FANCB: variants seen among roughly 807,000 people sequenced by gnomAD.
FANCB encodes the protein Fanconi anemia group B protein.
A neutral mutation model predicts 38.9 loss-of-function variants in FANCB; 5 were observed. The ratio of observed to expected loss-of-function variants is 0.13; its 90% CI spans 0.07 to 0.27. The LOEUF is 0.27. FANCB is among the 10% of genes least tolerant of loss of function. FANCB has a pLI of 1.00. For synonymous variants in FANCB, 236 were observed against 215.4 expected (o/e 1.10, Z -0.84); for missense variants, 573 against 602.7 (o/e 0.95, Z 0.52).
chrX:14,850,256 A>C (rs904717486), intron 7 of FANCB, among the ~76,000 whole-genome samples: 8 of 111,940 alleles, frequency 7.1e-5, no homozygotes, highest in African/African-American at 2.6e-4. Context: ...ATGCTGAGGC[A>C]TAAGAATTGC....
chrX:14,712,442 A>AT, the FANCB span, among the ~76,000 whole-genome samples: 1 of 111,149 alleles, frequency 9.0e-6, no homozygotes, highest in African/African-American at 3.3e-5. Flanking sequence ...CAAGTGCAGG[A>AT]TTTTGTCTTC....
chrX:14,732,980 T>C, the FANCB span, among the ~76,000 whole-genome samples: 12 of 112,540 alleles, frequency 1.1e-4, no homozygotes, highest in Non-Finnish European at 1.9e-4. Context: ...TGGTATCACC[T>C]AGATTTTCTT....
intron 7 of FANCB, among the ~76,000 whole-genome samples, chrX:14,849,855 AAG>A (rs2053696003): frequency 8.9e-6 from 1 of 111,980 alleles, no homozygotes; most frequent in Admixed American, 9.5e-5. Context: ...TGTGCTGGCC[AAG>A]AGAGTAGCTA....
chrX:14,772,452 C>A, the FANCB span, among the ~76,000 whole-genome samples: 1 of 112,348 alleles, frequency 8.9e-6, no homozygotes, highest in Admixed American at 9.4e-5. Context: ...GTGTTCTCCA[C>A]AGCCAGCAGG....
At chrX:14,749,396 G>T in the FANCB span, among the ~76,000 whole-genome samples, 2 of 110,944 alleles carry the variant, frequency 1.8e-5, no homozygotes, top group Non-Finnish European at 3.8e-5. Flanking sequence ...TGTGCTTAGA[G>T]TATGCCAAAA....
At chrX:14,767,460 A>C in the FANCB span, among the ~76,000 whole-genome samples, 138 of 111,683 alleles carry the variant, frequency 1.2e-3, 2 homozygotes, top group Admixed American at 5.0e-3. Flanking sequence ...AGCTTTTATT[A>C]ATATGTTTGT....
intron 4 of FANCB, 113 bp from the exon 5 acceptor site, chrX:14,858,067 A>C: frequency 1.9e-6 from 1 of 522,826 alleles, no homozygotes. Context: ...CAGTTTCCCT[A>C]GTGTGTATAA....
chrX:14,826,718 GT>G, the FANCB span, among the ~76,000 whole-genome samples: 1 of 111,751 alleles, frequency 8.9e-6, no homozygotes, highest in Non-Finnish European at 1.9e-5. Context: ...CACAAATAAT[GT>G]TTTTCCAGTG....
chrX:14,848,407 C>G lies in FANCB; in HGVS notation c.1496+2098G>C, dbSNP rs773480900. Among the ~76,000 whole-genome samples, 881 of 111,421 alleles carry G rather than the reference C, an allele frequency of 7.9e-3. 8 individuals are homozygous for G. The highest frequency in any genetic ancestry group is 0.026 in the African/African-American group (807 of 30,637). On this transcript the variant is annotated intron_variant, in intron 7 of 9. Coordinates refer to ENST00000650831, the MANE Select transcript of FANCB (RefSeq NM_001018113.3). ...CCCTTGTAGAGAGCCTATAAATGGA[C>G]GCACAGGGGGCGCCTGTCCATATGG... is the stretch of plus-strand genomic sequence containing the variant.
chrX:14,771,099 T>C, the FANCB span, among the ~76,000 whole-genome samples: 2 of 111,410 alleles, frequency 1.8e-5, no homozygotes, highest in Non-Finnish European at 3.8e-5. Flanking sequence ...GAGAATCTGA[T>C]GATTATGTTT....
At chrX:14,712,544 G>A in the FANCB span, among the ~76,000 whole-genome samples, 1 of 110,098 alleles carries the variant, frequency 9.1e-6, no homozygotes, top group African/African-American at 3.3e-5. Flanking sequence ...TTAAAGTGGC[G>A]TTTTGTAGTT....
At chrX:14,770,537 G>A in the FANCB span, among the ~76,000 whole-genome samples, 1 of 111,739 alleles carries the variant, frequency 8.9e-6, no homozygotes, top group African/African-American at 3.3e-5. Flanking sequence ...GTCTTTGCAC[G>A]AGATGGGTCT....
At chrX:14,822,444 G>A in the FANCB span, among the ~76,000 whole-genome samples, 2 of 109,435 alleles carry the variant, frequency 1.8e-5, no homozygotes, top group Non-Finnish European at 3.8e-5. Flanking sequence ...TGGCAGCTCA[G>A]CTCTCTCTAG....
chrX:14,802,075 T>C, the FANCB span, among the ~76,000 whole-genome samples: 4 of 111,274 alleles, frequency 3.6e-5, no homozygotes, highest in African/African-American at 9.8e-5. Context: ...CCCTGATGGA[T>C]TGTGAAGATA....
At chrX:14,745,005 A>G in the FANCB span, among the ~76,000 whole-genome samples, 1 of 111,660 alleles carries the variant, frequency 9.0e-6, no homozygotes, top group Non-Finnish European at 1.9e-5. Context: ...AGGCAAAACT[A>G]AGAGCTACTG....
chrX:14,774,657 T>C, the FANCB span, among the ~76,000 whole-genome samples: 1 of 112,193 alleles, frequency 8.9e-6, no homozygotes, highest in African/African-American at 3.2e-5. Flanking sequence ...ATGATTTATG[T>C]GAAGTATACA....
the FANCB span, chrX:14,730,654 G>C: frequency 2.3e-6 from 1 of 433,754 alleles, no homozygotes. Flanking sequence ...CAAGTTATAT[G>C]GGTGATGAAG....
Position 14,864,830 on chromosome X carries a change from G to A in FANCB, c.681C>T (p.Tyr227=), listed in dbSNP as rs370365613. The A allele has an allele frequency of 5.0e-6, 6 of 1,207,128 alleles. No individual in the cohort carries two copies. In the Admixed American group the frequency reaches 6.5e-5, roughly 13 times the overall value. ...CACTGCTGTAAGCAGGAGGAATAATGTATATATCACTTAATACTTCTTGAC... is the reference window on the plus strand; with the variant it reads ...CACTGCTGTAAGCAGGAGGAATAATATATATATCACTTAATACTTCTTGAC... ...LESQEVLSDI[Y]IIPPAYSSVV... is the part of the protein sequence containing the mutation. Residue 227 remains tyrosine, a synonymous_variant, in exon 3 of 10, where the codon TAC becomes TAT. Transcript: ENST00000650831.
the FANCB span, among the ~76,000 whole-genome samples, chrX:14,807,604 A>G: frequency 9.0e-6 from 1 of 111,394 alleles, no homozygotes; most frequent in African/African-American, 3.3e-5. Context: ...CAGGACTATT[A>G]CTCTCCATGA....
Sources: allele counts gnomAD v4.1 joint callset (sites outside exome capture counted in the v4.1 genomes callset), GRCh38; gene constraint gnomAD v4.1.1; transcripts MANE v1.5; gene names NCBI Gene and HGNC (gene_info 2026-07-23, HGNC 2026-07-21).